The following CNTN6 variants were observed in gnomAD, a reference collection of about 807,000 sequenced individuals.
CNTN6 encodes contactin 6, also known as contactin-6.
In CNTN6, 137 loss-of-function variants were observed where a neutral mutation model predicts 122.8. The ratio of observed to expected loss-of-function variants is 1.12; its 90% confidence interval spans 0.97 to 1.29. The LOEUF (loss-of-function observed/expected upper bound fraction) is 1.29, where lower values mean the gene tolerates loss of function less well. CNTN6 is among the 50% of genes most tolerant of loss of function. The pLI, the probability that CNTN6 is intolerant of heterozygous loss-of-function variation, is 0.00. For missense variants in CNTN6, 1,634 were observed against 1,223.4 expected, an observed-to-expected ratio of 1.34 and a Z score of -5.01; for synonymous variants, 570 against 426.0, an observed-to-expected ratio of 1.34 and a Z score of -4.16.
intron 11 of CNTN6, among the ~76,000 whole-genome samples, chr3:1,345,668 T>C (rs916593237): frequency 1.3e-5 from 2 of 152,140 alleles, no homozygotes; most frequent in Non-Finnish European, 2.9e-5. Context: ...TAAAACAGAT[T>C]CCGGTGGGAC....
intron 1 of CNTN6, among the ~76,000 whole-genome samples, chr3:1,105,572 C>T (rs1054844171): frequency 6.6e-6 from 1 of 152,108 alleles, no homozygotes; most frequent in Non-Finnish European, 1.5e-5. Flanking sequence ...TTCACAAACT[C>T]AGAATGGTCA....
chr3:1,356,314 T>C lies in CNTN6; in HGVS notation c.1492+3863T>C, dbSNP rs1706549072. Among the ~76,000 whole-genome samples, 4 of 151,832 alleles carry C rather than the reference T, an allele frequency of 2.6e-5. No homozygotes were observed. In the South Asian group the frequency reaches 8.3e-4, roughly 31 times the overall value. On this transcript the variant is annotated intron_variant, in intron 12 of 22. Transcript: ENST00000446702. ...TATAGGCCTCATTGCTTCAGTGTTA[T>C]TTTCAACTGAAATGTCGGAACTTGG... is the stretch of plus-strand genomic sequence containing the variant.
At chr3:1,282,743 C>G (rs535761524) in intron 5 of CNTN6, among the ~76,000 whole-genome samples, 19 of 152,298 alleles carry the variant, frequency 1.2e-4, no homozygotes, top group Middle Eastern at 3.4e-3. Flanking sequence ...CACTGGTAGG[C>G]TGTGACTTCC....
intron 11 of CNTN6, among the ~76,000 whole-genome samples, chr3:1,337,206 C>T (rs1703204341): frequency 6.6e-6 from 1 of 152,124 alleles, no homozygotes. Flanking sequence ...CAATACTTAG[C>T]TATCATTACA....
chr3:1,351,722 A>G (rs1038301483), intron 11 of CNTN6, among the ~76,000 whole-genome samples: 7 of 152,020 alleles, frequency 4.6e-5, no homozygotes, highest in Admixed American at 2.6e-4. Context: ...TAATTAACCC[A>G]TGAAGCCTTA....
intron 4 of CNTN6, among the ~76,000 whole-genome samples, chr3:1,248,296 A>T (rs1435277042): frequency 1.3e-5 from 2 of 152,198 alleles, no homozygotes. Context: ...ATGGGAATTT[A>T]TACAAATAAA....
intron 2 of CNTN6, among the ~76,000 whole-genome samples, chr3:1,156,235 A>G (rs1162361265): frequency 6.6e-6 from 1 of 152,216 alleles, no homozygotes; most frequent in African/African-American, 2.4e-5. Flanking sequence ...TCCAATCTTT[A>G]ACACACTTAT....
intron 11 of CNTN6, among the ~76,000 whole-genome samples, chr3:1,335,689 G>C (rs1559857846): frequency 6.6e-6 from 1 of 152,122 alleles, no homozygotes; most frequent in Non-Finnish European, 1.5e-5. Flanking sequence ...AAAACAAAGA[G>C]ATGGAGAAAA....
intron 7 of CNTN6, among the ~76,000 whole-genome samples, chr3:1,301,175 T>C (rs1488989524): frequency 1.3e-5 from 2 of 151,950 alleles, no homozygotes; most frequent in East Asian, 3.9e-4. Flanking sequence ...TAGCTGGAAT[T>C]ACAGGCACCT....
chr3:1,323,128 A>T (rs1191374499), intron 8 of CNTN6, among the ~76,000 whole-genome samples: 7 of 151,788 alleles, frequency 4.6e-5, no homozygotes, highest in Non-Finnish European at 1.0e-4. Flanking sequence ...TGATAAAGCA[A>T]ATGTTAGCTT....
chr3:1,159,834 C>CG (rs1559425038), intron 2 of CNTN6, among the ~76,000 whole-genome samples: 12 of 151,520 alleles, frequency 7.9e-5, no homozygotes, highest in African/African-American at 2.4e-4. Flanking sequence ...CTTTTTCCCC[C>CG]CCTCAAGACA....
chr3:1,291,788 A>G (rs1695374041), intron 5 of CNTN6, among the ~76,000 whole-genome samples: 1 of 152,206 alleles, frequency 6.6e-6, no homozygotes, highest in Non-Finnish European at 1.5e-5. Flanking sequence ...TCAGTAAAGA[A>G]ACTGAAGCAA....
chr3:1,282,819 A>T (rs1223372173), intron 5 of CNTN6, among the ~76,000 whole-genome samples: 1 of 152,128 alleles, frequency 6.6e-6, no homozygotes, highest in Non-Finnish European at 1.5e-5. Context: ...CTATTTGGAC[A>T]CCTATCTCAG....
chr3:1,270,199 C>T (rs2095000445), intron 4 of CNTN6, among the ~76,000 whole-genome samples: 1 of 152,100 alleles, frequency 6.6e-6, no homozygotes. Flanking sequence ...AGAGATATTT[C>T]TCTGTGCCAA....
chr3:1,384,577 C>G (rs1213686488), intron 19 of CNTN6, among the ~76,000 whole-genome samples: 1 of 151,360 alleles, frequency 6.6e-6, no homozygotes, highest in Non-Finnish European at 1.5e-5. Flanking sequence ...TTTCAACTTG[C>G]AAATTCAGTG....
intron 2 of CNTN6, among the ~76,000 whole-genome samples, chr3:1,189,253 T>C (rs2093668421): frequency 1.3e-5 from 2 of 152,180 alleles, no homozygotes; most frequent in Non-Finnish European, 1.5e-5. Context: ...TACAATGTTT[T>C]TGAATATAAA....
intron 2 of CNTN6, among the ~76,000 whole-genome samples, chr3:1,200,868 ATATGCATT>A (rs2093853894): frequency 6.6e-6 from 1 of 151,628 alleles, no homozygotes; most frequent in Non-Finnish European, 1.5e-5. Context: ...CTCTCAGGGC[ATATGCATT>A]TACTTACCCT....
chr3:1,352,715 T>C (rs929384101), intron 12 of CNTN6, among the ~76,000 whole-genome samples: 1 of 151,856 alleles, frequency 6.6e-6, no homozygotes, highest in African/African-American at 2.4e-5. Context: ...TATTTGGCTT[T>C]TTACATAAGC....
At chr3:1,252,938 T>C (rs376487591) in intron 4 of CNTN6, among the ~76,000 whole-genome samples, 59 of 152,298 alleles carry the variant, frequency 3.9e-4, no homozygotes, top group African/African-American at 1.4e-3. Context: ...GAAGACTCCC[T>C]ATTGAAAGAA....
Sources: allele counts gnomAD v4.1 joint callset (sites outside exome capture counted in the v4.1 genomes callset), GRCh38; gene constraint gnomAD v4.1.1; transcripts MANE v1.5; gene names NCBI Gene and HGNC (gene_info 2026-07-23, HGNC 2026-07-21).